The following SAMMSON variants were observed in gnomAD, a reference collection of about 807,000 sequenced individuals.
SAMMSON encodes long intergenic non-protein coding RNA 1212.
intron 4 of SAMMSON, among the ~76,000 whole-genome samples, chr3:70,229,420 A>T (rs1701538474): frequency 6.6e-6 from 1 of 152,200 alleles, no homozygotes; most frequent in Non-Finnish European, 1.5e-5. Context: ...GCTCATAAAG[A>T]TTTATGTTGG....
At chr3:70,133,516 T>C (rs546182756) in intron 4 of SAMMSON, among the ~76,000 whole-genome samples, 12 of 152,114 alleles carry the variant, frequency 7.9e-5, no homozygotes, top group Non-Finnish European at 1.6e-4. Context: ...TTCTGACAAA[T>C]GATTGAGCCC....
At chr3:70,370,935 C>T (rs1253513571) in intron 9 of SAMMSON, among the ~76,000 whole-genome samples, 3 of 151,878 alleles carry the variant, frequency 2.0e-5, no homozygotes, top group Non-Finnish European at 4.4e-5. Flanking sequence ...CTTCTAGTAT[C>T]CATATAGTTT....
intron 2 of SAMMSON, among the ~76,000 whole-genome samples, chr3:70,013,359 A>T (rs1195693242): frequency 3.3e-5 from 5 of 152,102 alleles, no homozygotes; most frequent in Admixed American, 3.3e-4. Context: ...CATACATATA[A>T]AGCATTTGGC....
chr3:70,120,672 A>G (rs2067429202), intron 4 of SAMMSON: 1 of 152,172 alleles, frequency 6.6e-6, no homozygotes, highest in Non-Finnish European at 1.5e-5. Context: ...TGAGGCGACT[A>G]AACCTGAATT....
intron 6 of SAMMSON, among the ~76,000 whole-genome samples, chr3:70,278,099 C>T (rs2320474): frequency 0.61 from 92,863 of 152,004 alleles, 29,942 homozygotes; most frequent in Non-Finnish European, 0.73. Flanking sequence ...TCATTTCCCC[C>T]GCCTCCCAGT....
chr3:70,060,018 A>G (rs1180236142), intron 3 of SAMMSON, among the ~76,000 whole-genome samples: 1 of 152,144 alleles, frequency 6.6e-6, no homozygotes, highest in African/African-American at 2.4e-5. Flanking sequence ...AGAATGTATG[A>G]AAAAAGAAAG....
intron 6 of SAMMSON, among the ~76,000 whole-genome samples, chr3:70,251,343 A>G (rs1165623356): frequency 3.9e-5 from 6 of 152,132 alleles, no homozygotes; most frequent in African/African-American, 9.7e-5. Context: ...TTCTATGTTC[A>G]TTGTTCACCT....
At chr3:70,068,171 A>G (rs2067217384) in intron 3 of SAMMSON, 2 of 152,074 alleles carry the variant, frequency 1.3e-5, no homozygotes, top group South Asian at 2.1e-4. Flanking sequence ...TCTTAAAACC[A>G]ACAAGCATTT....
At chr3:70,047,985 G>A (rs1423115881) in intron 3 of SAMMSON, among the ~76,000 whole-genome samples, 3 of 151,984 alleles carry the variant, frequency 2.0e-5, no homozygotes, top group African/African-American at 4.8e-5. Flanking sequence ...TGGGGATTAA[G>A]TTTTCAACAC....
At chr3:70,295,725 A>G (rs1406541967) in intron 7 of SAMMSON, among the ~76,000 whole-genome samples, 2 of 152,156 alleles carry the variant, frequency 1.3e-5, no homozygotes, top group Non-Finnish European at 2.9e-5. Flanking sequence ...TACAAATACT[A>G]CAATGCAAAT....
At chr3:70,085,632 C>A (rs2067282889) in intron 4 of SAMMSON, among the ~76,000 whole-genome samples, 1 of 152,126 alleles carries the variant, frequency 6.6e-6, no homozygotes, top group South Asian at 2.1e-4. Flanking sequence ...TCCTGACTTA[C>A]CCAAATTTTA....
chr3:70,188,589 TGC>T (rs1701108693), intron 4 of SAMMSON, among the ~76,000 whole-genome samples: 1 of 152,146 alleles, frequency 6.6e-6, no homozygotes, highest in Non-Finnish European at 1.5e-5. Flanking sequence ...TGTGGGATAG[TGC>T]AGAAATAAAG....
At chr3:70,167,123 T>G (rs543496233) in intron 4 of SAMMSON, among the ~76,000 whole-genome samples, 2 of 152,132 alleles carry the variant, frequency 1.3e-5, no homozygotes, top group Non-Finnish European at 2.9e-5. Flanking sequence ...TCAGTATAAC[T>G]TTTTTTAACT....
At chr3:70,080,843 G>T (rs2067265309) in intron 4 of SAMMSON, among the ~76,000 whole-genome samples, 1 of 152,086 alleles carries the variant, frequency 6.6e-6, no homozygotes, top group African/African-American at 2.4e-5. Flanking sequence ...TGTGAAAAAA[G>T]ATCCAGCTGA....
At chr3:70,202,758 G>A (rs1275370451) in intron 4 of SAMMSON, among the ~76,000 whole-genome samples, 1 of 152,128 alleles carries the variant, frequency 6.6e-6, no homozygotes, top group Non-Finnish European at 1.5e-5. Flanking sequence ...AGGCTGTGAT[G>A]AGCAAAGTGA....
chr3:70,282,325 C>T (rs1373398371), intron 6 of SAMMSON, among the ~76,000 whole-genome samples: 5 of 152,182 alleles, frequency 3.3e-5, no homozygotes, highest in Non-Finnish European at 7.4e-5. Flanking sequence ...CACATGGAAT[C>T]TGATGTGCTC....
chr3:70,251,432 T>C (rs1013615759), intron 6 of SAMMSON, among the ~76,000 whole-genome samples: 1 of 152,226 alleles, frequency 6.6e-6, no homozygotes, highest in African/African-American at 2.4e-5. Flanking sequence ...ATATCAGGTA[T>C]CTGTCTACTG....
chr3:70,095,583 G>A (rs924332994), intron 4 of SAMMSON, among the ~76,000 whole-genome samples: 1 of 152,098 alleles, frequency 6.6e-6, no homozygotes, highest in Admixed American at 6.6e-5. Flanking sequence ...TAAAAAGTAG[G>A]CTCAACACCC....
intron 6 of SAMMSON, chr3:70,272,261 C>T (rs1039252370): frequency 1.3e-5 from 2 of 151,866 alleles, no homozygotes; most frequent in African/African-American, 2.4e-5. Context: ...CCCCAAGATG[C>T]TCCTTTACGC....
Sources: allele counts gnomAD v4.1 joint callset (sites outside exome capture counted in the v4.1 genomes callset), GRCh38; gene constraint gnomAD v4.1.1; transcripts MANE v1.5; gene names NCBI Gene and HGNC (gene_info 2026-07-23, HGNC 2026-07-21).